Variants in PHACTR2 observed in about 807,000 individuals in gnomAD.
PHACTR2 encodes the protein phosphatase and actin regulator 2.
PHACTR2 carries 30 observed loss-of-function variants against 76.0 expected under a neutral mutation model. The observed-to-expected ratio is 0.39, with a 90% CI of 0.30 to 0.54. The LOEUF is 0.54. PHACTR2 is among the 20% of genes least tolerant of loss of function. The pLI is 0.61. For missense variants in PHACTR2, 696 were observed against 781.1 expected (o/e 0.89, Z 1.30); for synonymous variants, 292 against 292.5 (o/e 1.00, Z 0.02).
rs1281689526 is a variant in PHACTR2, at chr6:143,658,095, T to C, written c.13+49773T>C. Reference sequence around the variant, plus strand: ...GGGGCTATTATGAACAAAGCTGCTATGAACATTCCTAAACTGGTCTTTTTA... The same window carrying C: ...GGGGCTATTATGAACAAAGCTGCTACGAACATTCCTAAACTGGTCTTTTTA... On this transcript the variant is annotated intron_variant, in intron 1 of 11. Transcript: ENST00000305766. This position sits in a 1 kb window ranked among gnomAD's most constrained non-coding sequence, Gnocchi z 4.1. Among the ~76,000 whole-genome samples the C allele has an allele frequency of 1.3e-5, 2 of 152,250 alleles. No individual in the cohort carries two copies. The highest frequency in any genetic ancestry group is 4.8e-5 in the African/African-American group (2 of 41,464).
At chr6:143,603,867 G>A (rs753681554), upstream of PHACTR2, among the ~76,000 whole-genome samples, 111 of 152,246 alleles carry the variant, frequency 7.3e-4, 1 homozygote, top group Admixed American at 5.0e-3. Flanking sequence ...GAGAGACCGA[G>A]GTGGGTGGAT....
intron 2 of PHACTR2, among the ~76,000 whole-genome samples, chr6:143,726,073 A>G (rs76723415): frequency 0.041 from 6,189 of 152,270 alleles, 432 homozygotes; most frequent in African/African-American, 0.14. Context: ...ATTCTTGTGT[A>G]CATTCTTGTG....
chr6:143,629,569 T>C (rs1413497228), intron 1 of PHACTR2, among the ~76,000 whole-genome samples: 5 of 152,066 alleles, frequency 3.3e-5, no homozygotes, highest in Non-Finnish European at 7.4e-5. Context: ...GAACTGTGGG[T>C]GTGAGTAGGT....
chr6:143,537,339 G>C lies in PHACTR2; in HGVS notation c.217+132G>C, dbSNP rs1781127107. 6.2e-6 allele frequency: 1 copy of C among 162,234 alleles called. No individual in the cohort carries two copies. The highest frequency in any genetic ancestry group is 1.3e-5 in the Non-Finnish European group (1 of 75,384). The allele number at this position is 162,234 out of a possible 1,614,324, so 10.0% of individuals were successfully genotyped here. ...GGCGGCGGGGTGGGGGTGGGGGACA[G>C]GGGAGGGCGGAGGCTGAACTCCCCA... On this transcript the variant is annotated intron_variant, in intron 1 of 11. Coordinates refer to the PHACTR2 transcript ENST00000367584. This position sits in a 1 kb window ranked among gnomAD's most constrained non-coding sequence, Gnocchi z 4.4.
chr6:143,718,013 C>A (rs1562280925), intron 2 of PHACTR2, among the ~76,000 whole-genome samples: 1 of 152,132 alleles, frequency 6.6e-6, no homozygotes, highest in Non-Finnish European at 1.5e-5. Context: ...ATTTTCCTAT[C>A]TTTTGTCCTT....
At chr6:143,551,360 T>C (rs961746258) in intron 1 of PHACTR2, among the ~76,000 whole-genome samples, 2 of 152,238 alleles carry the variant, frequency 1.3e-5, no homozygotes, top group Non-Finnish European at 2.9e-5. Context: ...GTAAGAAGTA[T>C]GTGAATGTGT....
chr6:143,596,914 C>A lies in PHACTR2; in HGVS notation c.217+59707C>A, dbSNP rs1775761604. On this transcript the variant is annotated intron_variant, in intron 1 of 11. Transcript: ENST00000367584. This position sits in a 1 kb window ranked among gnomAD's most constrained non-coding sequence, Gnocchi z 4.6. ...TGTTGCTAGGGCTCTGCAGCCCTTG[C>A]TGAAAGTCCTGTGAACTTACTTGCT... Among the ~76,000 whole-genome samples the A allele has an allele frequency of 6.6e-6, 1 of 152,198 alleles. No homozygotes were observed. Among genetic ancestry groups the A allele is most frequent in the Non-Finnish European group, 1.5e-5 (1 of 68,040 alleles).
rs996702694 is a variant in PHACTR2 at position 143,683,943 on chromosome 6, A to C, written c.46+5734A>C. On this transcript the variant is annotated intron_variant, in intron 1 of 12. Transcript: ENST00000440869. The surrounding 1 kb of genome is among the most constrained non-coding windows in gnomAD (Gnocchi z 4.1). ...CAAGACATACTATACTTACTGCTCT[A>C]TACTTTGAATTTTTCGTGTAATATA... is the stretch of plus-strand genomic sequence containing the variant. 6.6e-6 allele frequency among the ~76,000 whole-genome samples: 1 copy of C among 152,196 alleles called. No individual in the cohort carries two copies. Among genetic ancestry groups the C allele is most frequent in the African/African-American group, 2.4e-5 (1 of 41,454 alleles).
intron 1 of PHACTR2, among the ~76,000 whole-genome samples, chr6:143,705,078 G>A (rs931332545): frequency 2.6e-5 from 4 of 151,690 alleles, no homozygotes; most frequent in Non-Finnish European, 5.9e-5. Flanking sequence ...GCCTGCCTCG[G>A]CCTCCCAAAT....
In PHACTR2 at chr6:143,793,236, C is replaced by G. The variant is rs1157954031; in HGVS notation, c.1845+4326C>G. 6.6e-6 allele frequency among the ~76,000 whole-genome samples: 1 copy of G among 152,106 alleles called. No homozygotes were observed. Among genetic ancestry groups the G allele is most frequent in the Non-Finnish European group, 1.5e-5 (1 of 68,028 alleles). ...CTTGTTCTTTTGTTGGAAGGTAAAG[C>G]TCATTCATCTCTAGCTGTAACAGAG... is the stretch of plus-strand genomic sequence containing the variant. On this transcript the variant is annotated intron_variant, in intron 11 of 12. Coordinates refer to ENST00000440869, the MANE Select transcript of PHACTR2 (RefSeq NM_001100164.2). The surrounding 1 kb of genome is among the most constrained non-coding windows in gnomAD (Gnocchi z 4.4).
At chr6:143,628,950 T>C (rs1257730174) in intron 1 of PHACTR2, among the ~76,000 whole-genome samples, 2 of 53,698 alleles carry the variant, frequency 3.7e-5, no homozygotes, top group African/African-American at 5.5e-5. Context: ...TATATATATA[T>C]ATATATATAT....
chr6:143,594,178 G>C (rs1052620732), intron 1 of PHACTR2, among the ~76,000 whole-genome samples: 9 of 152,166 alleles, frequency 5.9e-5, no homozygotes, highest in Non-Finnish European at 8.8e-5. Flanking sequence ...TTACCATCAG[G>C]CTACATGTAT....
At chr6:143,603,353 A>C (rs1362664106), upstream of PHACTR2, among the ~76,000 whole-genome samples, 1 of 151,868 alleles carries the variant, frequency 6.6e-6, no homozygotes, top group African/African-American at 2.4e-5. Flanking sequence ...GATTGGACTC[A>C]ACTTTGAATA....
rs1776997129 is a variant in PHACTR2, at chr6:143,664,351, AT to A, written c.14-47659del. 6.6e-6 allele frequency among the ~76,000 whole-genome samples: 1 copy of A among 152,100 alleles called. No individual in the cohort carries two copies. The highest frequency in any genetic ancestry group is 2.1e-4 in the South Asian group (1 of 4,826). ...ATGTACTATGTTTCTGCTGCTCACA[AT>A]TTTTTAGTCTTTGTCATTAGATAAG... On this transcript the variant is annotated intron_variant, in intron 1 of 11. Coordinates refer to the PHACTR2 transcript ENST00000305766. The surrounding 1 kb of genome is among the most constrained non-coding windows in gnomAD (Gnocchi z 5.1).
chr6:143,681,056 C>A (rs1032547062), intron 1 of PHACTR2, among the ~76,000 whole-genome samples: 3 of 152,120 alleles, frequency 2.0e-5, no homozygotes, highest in Admixed American at 2.0e-4. Context: ...ATGAATAATG[C>A]TGCTCTGAAC....
In PHACTR2 at chr6:143,678,011, G is replaced by T. The variant is rs1348024251; in HGVS notation, c.-153G>T. 1.4e-6 allele frequency: 2 copies of T among 1,474,402 alleles called. No individual in the cohort carries two copies. The highest frequency in any genetic ancestry group is 2.8e-5 in the East Asian group (1 of 35,228). 91.3% of individuals were successfully genotyped at this position (1,474,402 alleles called of 1,614,324 possible). A position where few individuals can be genotyped will look rare whatever the true frequency, so the allele number is the denominator to read the frequency against. On this transcript the variant is annotated 5_prime_UTR_variant, in exon 1 of 13. Transcript: ENST00000440869. This position sits in a 1 kb window ranked among gnomAD's most constrained non-coding sequence, Gnocchi z 6.2. ...GCGCCGGCTGCGGCCGGCCGGGCTG[G>T]GAGACCCGCGCGGGGTAGAAGGTGA...
intron 1 of PHACTR2, among the ~76,000 whole-genome samples, chr6:143,681,594 T>C (rs1562268122): frequency 1.3e-5 from 2 of 152,198 alleles, no homozygotes; most frequent in Non-Finnish European, 2.9e-5. Context: ...GTTTTGATGA[T>C]GAGCAGTTTA....
rs1167536906 is a variant in PHACTR2, at chr6:143,619,669, A to C, written c.13+11347A>C. On this transcript the variant is annotated intron_variant, in intron 1 of 11. Transcript: ENST00000305766. This position sits in a 1 kb window ranked among gnomAD's most constrained non-coding sequence, Gnocchi z 4.5. ...AACTGAGACTTGCTTAAAACTGTAC[A>C]CCCAACTTGTCTTTAATTTACCACC... Among the ~76,000 whole-genome samples, 1 of 152,080 alleles carries C rather than the reference A, an allele frequency of 6.6e-6. No homozygotes were observed. Among genetic ancestry groups the C allele is most frequent in the Non-Finnish European group, 1.5e-5 (1 of 68,014 alleles).
intron 1 of PHACTR2, among the ~76,000 whole-genome samples, chr6:143,644,761 T>G (rs1298253181): frequency 2.1e-5 from 3 of 143,454 alleles, no homozygotes; most frequent in Non-Finnish European, 3.1e-5. Context: ...TAGGGTTTGT[T>G]TTTTTTTTTT....
Sources: allele counts gnomAD v4.1 joint callset (sites outside exome capture counted in the v4.1 genomes callset), GRCh38; gene constraint gnomAD v4.1.1; non-coding constraint Gnocchi (gnomAD v3.1); transcripts MANE v1.5; gene names NCBI Gene and HGNC (gene_info 2026-07-23, HGNC 2026-07-21).